Variants in CCDC50 observed in about 807,000 individuals in gnomAD.
The protein encoded by CCDC50 is coiled-coil domain containing 50.
Under a neutral mutation model 70.2 loss-of-function variants are expected in CCDC50, and 54 were observed. The observed-to-expected ratio is 0.77, with a 90% CI of 0.62 to 0.96. The LOEUF is 0.96. Ranked by LOEUF, CCDC50 falls within the 50% of genes least tolerant of loss-of-function variation. The probability of loss-of-function intolerance (pLI) is 0.00; values close to 1 mark genes in which losing one functional copy is unlikely to be tolerated. For synonymous variants in CCDC50, 216 were observed against 198.8 expected, an observed-to-expected ratio of 1.09 and a Z score of -0.73; for missense variants, 558 against 578.7, an observed-to-expected ratio of 0.96 and a Z score of 0.37.
chr3:191,369,613 G>C (rs185781639), intron 4 of CCDC50, among the ~76,000 whole-genome samples: 1 of 152,250 alleles, frequency 6.6e-6, no homozygotes, highest in African/African-American at 2.4e-5. Flanking sequence ...TGGAAAGAGG[G>C]CCCACAAATA....
chr3:191,395,189 C>T lies in CCDC50; in HGVS notation c.*3429C>T, dbSNP rs972099197. 6 of 152,032 alleles carry T rather than the reference C, an allele frequency of 3.9e-5. No individual in the cohort carries two copies. The highest frequency in any genetic ancestry group is 3.9e-4 in the Admixed American group (6 of 15,246). The allele number at this position is 152,032 out of a possible 1,614,324, so 9.4% of individuals were successfully genotyped here. Reference sequence around the variant, plus strand: ...AAAATTCTGGACCTGATTCATTAACCCCGCTTTTCTTCTCTAATGTGTCCT... The same window carrying T: ...AAAATTCTGGACCTGATTCATTAACTCCGCTTTTCTTCTCTAATGTGTCCT... On this transcript the variant is annotated 3_prime_UTR_variant, in exon 12 of 12. Transcript: ENST00000392455.
At chr3:191,340,282 A>G (rs894455629) in intron 1 of CCDC50, among the ~76,000 whole-genome samples, 3 of 152,230 alleles carry the variant, frequency 2.0e-5, no homozygotes, top group African/African-American at 7.2e-5. Context: ...GGCTCTTTAT[A>G]CTATAATTTG....
chr3:191,387,601 GA>G (rs1219415477), intron 10 of CCDC50, among the ~76,000 whole-genome samples: 6 of 148,840 alleles, frequency 4.0e-5, no homozygotes, highest in Admixed American at 4.0e-4. Flanking sequence ...TTGCTCTTAA[GA>G]AGTACTCTTA....
At chr3:191,391,344 C>T (rs78285685) in intron 11 of CCDC50, among the ~76,000 whole-genome samples, 117 of 152,282 alleles carry the variant, frequency 7.7e-4, no homozygotes, top group African/African-American at 2.6e-3. Context: ...CCCCCACCCC[C>T]ACATTCTGAC....
intron 1 of CCDC50, among the ~76,000 whole-genome samples, chr3:191,332,187 G>A (rs1317440603): frequency 6.6e-6 from 1 of 152,128 alleles, no homozygotes; most frequent in Non-Finnish European, 1.5e-5. Context: ...CTGACATTAG[G>A]GTAAGGGGAT....
chr3:191,392,672 A>T lies in CCDC50; in HGVS notation c.*912A>T, dbSNP rs912967177. On this transcript the variant is annotated 3_prime_UTR_variant, in exon 12 of 12. Transcript: ENST00000392455. Reference sequence around the variant, plus strand: ...ATGTTTGGTTTACATGCCAGTAATTAAATTAATTCAACATGAAGTTGAATT... The same window carrying T: ...ATGTTTGGTTTACATGCCAGTAATTTAATTAATTCAACATGAAGTTGAATT... 1 of 152,176 alleles carries T rather than the reference A, an allele frequency of 6.6e-6. No homozygotes were observed. Among genetic ancestry groups the T allele is most frequent in the Non-Finnish European group, 1.5e-5 (1 of 68,038 alleles). 9.4% of individuals were successfully genotyped at this position (152,176 alleles called of 1,614,324 possible).
chr3:191,386,914 T>C (rs1713516022), intron 10 of CCDC50, among the ~76,000 whole-genome samples: 1 of 152,224 alleles, frequency 6.6e-6, no homozygotes, highest in African/African-American at 2.4e-5. Flanking sequence ...TTCCAAATTG[T>C]TTTAACTACA....
chr3:191,371,855 A>G (rs1200095778), intron 5 of CCDC50, among the ~76,000 whole-genome samples: 1 of 152,162 alleles, frequency 6.6e-6, no homozygotes, highest in Non-Finnish European at 1.5e-5. Flanking sequence ...TTGCTGTACT[A>G]AAGATCAGAA....
chr3:191,347,603 G>T (rs6444540), intron 1 of CCDC50, among the ~76,000 whole-genome samples: 26,648 of 141,712 alleles, frequency 0.19, 6,145 homozygotes, highest in African/African-American at 0.37. Flanking sequence ...TCATTTCTTT[G>T]TAAGTTGAGT....
intron 6 of CCDC50, among the ~76,000 whole-genome samples, chr3:191,376,518 C>A (rs1713118574): frequency 6.6e-6 from 1 of 152,112 alleles, no homozygotes; most frequent in South Asian, 2.1e-4. Flanking sequence ...AGGAGCCAGT[C>A]AAGCTCTATC....
At chr3:191,387,996 C>T (rs1453014854) in intron 10 of CCDC50, among the ~76,000 whole-genome samples, 1 of 151,780 alleles carries the variant, frequency 6.6e-6, no homozygotes, top group African/African-American at 2.4e-5. Context: ...ATTTTTCTAC[C>T]AAGTCTTACA....
chr3:191,368,934 C>T (rs922295207), intron 4 of CCDC50, among the ~76,000 whole-genome samples: 2 of 152,098 alleles, frequency 1.3e-5, no homozygotes, highest in Non-Finnish European at 2.9e-5. Context: ...CTCTGCAGCT[C>T]AAAACCTTTA....
At chr3:191,340,052 G>T (rs77118940) in intron 1 of CCDC50, among the ~76,000 whole-genome samples, 13,837 of 152,210 alleles carry the variant, frequency 0.091, 685 homozygotes, top group East Asian at 0.25. Flanking sequence ...TATAATACTT[G>T]TATCCAAAAG....
chr3:191,355,685 C>A (rs1182932594), intron 1 of CCDC50, among the ~76,000 whole-genome samples: 1 of 152,142 alleles, frequency 6.6e-6, no homozygotes, highest in Non-Finnish European at 1.5e-5. Flanking sequence ...GTAACTAGGA[C>A]CTGGGCTTCA....
chr3:191,353,643 G>C (rs1712176786), intron 1 of CCDC50, among the ~76,000 whole-genome samples: 1 of 141,992 alleles, frequency 7.0e-6, no homozygotes, highest in Non-Finnish European at 1.6e-5. Context: ...TTGTTTTCCA[G>C]GTTGTGCTAG....
chr3:191,372,149 G>A (rs1031206930), intron 5 of CCDC50, among the ~76,000 whole-genome samples: 4 of 152,174 alleles, frequency 2.6e-5, no homozygotes, highest in Non-Finnish European at 4.4e-5. Context: ...AGGAGACTAT[G>A]TTAAGAATTA....
rs1300392832 is a variant in CCDC50, at chr3:191,352,598, G to A, written c.50-4490G>A. ...TAACCTGTTTAGACTGAATTCCATCGTACATTTAATAGACTATCAATAGAC... is the reference window on the plus strand; with the variant it reads ...TAACCTGTTTAGACTGAATTCCATCATACATTTAATAGACTATCAATAGAC... On this transcript the variant is annotated intron_variant, in intron 1 of 11. Coordinates refer to ENST00000392455, the MANE Select transcript of CCDC50 (RefSeq NM_178335.3). 2.8e-5 allele frequency among the ~76,000 whole-genome samples: 4 copies of A among 141,980 alleles called. 1 individual carries two copies. Among genetic ancestry groups the A allele is most frequent in the Non-Finnish European group, 4.8e-5 (3 of 63,036 alleles). The allele number at this position is 141,980 out of a possible 152,430, so 93.1% of individuals were successfully genotyped here.
chr3:191,391,385 G>T (rs778486392), intron 11 of CCDC50, among the ~76,000 whole-genome samples: 1 of 152,024 alleles, frequency 6.6e-6, no homozygotes, highest in African/African-American at 2.4e-5. Context: ...AAGACAAAAG[G>T]CATTATTTTA....
intron 6 of CCDC50, among the ~76,000 whole-genome samples, chr3:191,379,195 A>G (rs1273375862): frequency 1.3e-5 from 2 of 152,068 alleles, no homozygotes; most frequent in Non-Finnish European, 2.9e-5. Context: ...AACTTACTCA[A>G]GGACAGGGCA....
Sources: gnomAD v4.1 joint callset for allele counts (sites outside exome capture counted in the v4.1 genomes callset) on GRCh38, gnomAD v4.1.1 for gene constraint, MANE v1.5 for transcripts, NCBI Gene and HGNC (gene_info 2026-07-23, HGNC 2026-07-21) for gene names.